CDCA7L: variants seen among roughly 807,000 people sequenced by gnomAD.
The protein encoded by CDCA7L is cell division cycle-associated 7-like protein.
A neutral mutation model predicts 57.4 loss-of-function variants in CDCA7L; 44 were observed. The observed-to-expected ratio is 0.77, with a 90% CI of 0.60 to 0.98. CDCA7L has a LOEUF of 0.98. Among genes scored for constraint, CDCA7L ranks in the 50% least tolerant of loss-of-function variants. The probability of loss-of-function intolerance (pLI) is 0.00; values close to 1 mark genes in which losing one functional copy is unlikely to be tolerated. For synonymous variants in CDCA7L, 236 were observed against 202.8 expected, an observed-to-expected ratio of 1.16 and a Z score of -1.39; for missense variants, 644 against 580.6, an observed-to-expected ratio of 1.11 and a Z score of -1.12.
At chr7:21,932,808 TAATTA>T (rs1786055538) in intron 1 of CDCA7L, among the ~76,000 whole-genome samples, 1 of 152,140 alleles carries the variant, frequency 6.6e-6, no homozygotes, top group South Asian at 2.1e-4. Flanking sequence ...AAATGGGATC[TAATTA>T]AACTAAAGAG....
chr7:21,939,200 G>C (rs1786266331), intron 1 of CDCA7L, among the ~76,000 whole-genome samples: 2 of 152,128 alleles, frequency 1.3e-5, no homozygotes, highest in Admixed American at 6.5e-5. Flanking sequence ...TGGAGGAAGA[G>C]GTCATAGGGG....
chr7:21,921,939 G>A (rs1410964988), intron 1 of CDCA7L, among the ~76,000 whole-genome samples: 1 of 152,020 alleles, frequency 6.6e-6, no homozygotes, highest in Non-Finnish European at 1.5e-5. Flanking sequence ...AGTCATATGG[G>A]GGACCAGGAT....
At position 21,918,661 on chromosome 7, in the gene CDCA7L, C is replaced by T. The variant is rs566923151; in HGVS notation, c.25-1767G>A. Among the ~76,000 whole-genome samples the T allele has an allele frequency of 2.2e-3, 331 of 151,942 alleles. 1 individual carries two copies. Among genetic ancestry groups the T allele is most frequent in the African/African-American group, 7.4e-3 (308 of 41,504 alleles). On this transcript the variant is annotated intron_variant, in intron 1 of 9. Coordinates refer to ENST00000406877, the MANE Select transcript of CDCA7L (RefSeq NM_018719.5). ...GGGTTTACAATTTGGGAGTTGAATCCGGAGGCTTTACTTCTAGTTGGCTTG... is the reference window on the plus strand; with the variant it reads ...GGGTTTACAATTTGGGAGTTGAATCTGGAGGCTTTACTTCTAGTTGGCTTG...
Position 21,900,978 on chromosome 7 carries a change from C to A in CDCA7L, c.*1344G>T, listed in dbSNP as rs1251962235. The stretch of plus-strand genomic sequence containing the variant: ...TTATCATTAGTAGCAAGCTGCCACA[C>A]AATTGCAACCGCTGTGTTTTTGCCA... On this transcript the variant is annotated 3_prime_UTR_variant, in exon 10 of 10. Coordinates refer to ENST00000406877, the MANE Select transcript of CDCA7L (RefSeq NM_018719.5). 3.2e-6 allele frequency: 5 copies of A among 1,541,404 alleles called. No homozygotes were observed. Among genetic ancestry groups the A allele is most frequent in the African/African-American group, 1.4e-5 (1 of 72,402 alleles).
In CDCA7L at chr7:21,911,763, A is replaced by C; in HGVS notation, c.166-9T>G. Reference sequence around the variant, plus strand: ...TGAAAGCGCACATCCTGCTAAATTAAAGACACACATACATCAGAGACGGAA... The same window carrying C: ...TGAAAGCGCACATCCTGCTAAATTACAGACACACATACATCAGAGACGGAA... On this transcript the variant is annotated splice_polypyrimidine_tract_variant and intron_variant, in intron 2 of 9. Transcript: ENST00000406877. 6.2e-7 allele frequency: 1 copy of C among 1,610,838 alleles called. No homozygotes were observed. The highest frequency in any genetic ancestry group is 8.5e-7 in the Non-Finnish European group (1 of 1,179,078).
At position 21,941,704 on chromosome 7, in the gene CDCA7L, CCAG is replaced by C. The variant is rs1276102568; in HGVS notation, c.24+4074_24+4076del. Among the ~76,000 whole-genome samples the C allele has an allele frequency of 2.0e-5, 3 of 152,320 alleles. No homozygotes were observed. The East Asian group carries it at 5.8e-4, about 29-fold the overall frequency. On this transcript the variant is annotated intron_variant, in intron 1 of 9. Transcript: ENST00000406877. ...CCTGACTCACCAAGGCCCGGTGATT[CCAG>C]CAGCAAGGGCCAATTCCTTACAAAT...
At chr7:21,931,405 A>G (rs1439361529) in intron 1 of CDCA7L, among the ~76,000 whole-genome samples, 2 of 152,352 alleles carry the variant, frequency 1.3e-5, no homozygotes, top group East Asian at 1.9e-4. Context: ...CAAATCCAGC[A>G]GCACATCAAA....
chr7:21,927,267 A>C (rs1355215937), intron 1 of CDCA7L, among the ~76,000 whole-genome samples: 1 of 152,234 alleles, frequency 6.6e-6, no homozygotes, highest in East Asian at 1.9e-4. Flanking sequence ...AAAAGCACAA[A>C]GAACTAACGT....
At position 21,906,341 on chromosome 7, in the gene CDCA7L, G is replaced by T. The variant is rs762865786; in HGVS notation, c.869C>A (p.Ala290Asp). Reference protein sequence around the residue: ...KFALENFTVSAAKFAEEFYSF... With the variant: ...KFALENFTVSDAKFAEEFYSF... ...GTAAAACTCTTCCGCAAATTTAGCG[G>T]CTGAGACAGTGAAGTTCTCTAGAGC... is the stretch of plus-strand genomic sequence containing the variant. The change falls in exon 6 of 10, where the codon GCC (alanine) becomes GAC (aspartate). Residue 290 changes from alanine to aspartate, a missense_variant. Transcript: ENST00000406877. The T allele has an allele frequency of 1.2e-6, 2 of 1,612,362 alleles. No homozygotes were observed. The highest frequency in any genetic ancestry group is 2.2e-5 in the South Asian group (2 of 90,938).
intron 5 of CDCA7L, 32 bp downstream of exon 5, chr7:21,906,536 G>A (rs1785146852): frequency 1.2e-6 from 2 of 1,611,358 alleles, no homozygotes; most frequent in South Asian, 1.1e-5. Flanking sequence ...CCATATATCA[G>A]TATTGGTATA....
intron 1 of CDCA7L, chr7:21,940,305 T>C: frequency 1.0e-6 from 1 of 985,128 alleles, no homozygotes; most frequent in East Asian, 1.1e-4. Flanking sequence ...AAACTATGCC[T>C]GCGAAGTGCT....
intron 7 of CDCA7L, 98 bp from the exon 8 acceptor site, chr7:21,904,357 A>AC (rs1297347114): frequency 8.4e-7 from 1 of 1,186,684 alleles, no homozygotes; most frequent in Non-Finnish European, 1.2e-6. Context: ...ATGAAGAAAT[A>AC]CCCCCGTCTC....
chr7:21,922,349 A>C (rs1168418054), intron 1 of CDCA7L, among the ~76,000 whole-genome samples: 2 of 152,212 alleles, frequency 1.3e-5, no homozygotes, highest in Non-Finnish European at 2.9e-5. Context: ...GGTCAGCTGT[A>C]GGACAATATG....
intron 1 of CDCA7L, among the ~76,000 whole-genome samples, chr7:21,931,723 A>G (rs1786023799): frequency 6.6e-6 from 1 of 152,228 alleles, no homozygotes; most frequent in African/African-American, 2.4e-5. Flanking sequence ...AGCGCAAGAC[A>G]AGGATGCTCT....
rs547817073 is a variant in CDCA7L, at chr7:21,916,796, C to T, written c.123G>A (p.Glu41=). The T allele has an allele frequency of 6.2e-7, 1 of 1,614,064 alleles. No homozygotes were observed. Among genetic ancestry groups the T allele is most frequent in the Admixed American group, 1.7e-5 (1 of 60,020 alleles). Residue 41 remains glutamate (E), a synonymous_variant, in exon 2 of 10, where the codon GAG becomes GAA. Transcript: ENST00000406877. ...GTGAGTCAAAACTATCGCAGCTCTC[C>T]TCTGACGAGAGGGTTTCCATGGGAA... ...DDVPMETLSS[E]ESCDSFDSLE... is the part of the protein sequence containing the mutation.
Position 21,906,297 on chromosome 7 carries a change from T to C in CDCA7L, c.913A>G (p.Thr305Ala), listed in dbSNP as rs767849344. 6.3e-7 allele frequency: 1 copy of C among 1,594,440 alleles called. No homozygotes were observed. Among genetic ancestry groups the C allele is most frequent in the Non-Finnish European group, 8.5e-7 (1 of 1,171,544 alleles). The part of the protein sequence containing the change: ...EEFYSFRRRK[T>A]IGGKCREYRR... Reference sequence around the variant, plus strand: ...TATTAGTCAGAAAATACCCCAATTGTCTTCCTTCTTCGGAAGCTGTAAAAC... The same window carrying C: ...TATTAGTCAGAAAATACCCCAATTGCCTTCCTTCTTCGGAAGCTGTAAAAC... Residue 305 changes from threonine (T) to alanine (A), a missense_variant, in exon 6 of 10, where the codon ACA becomes GCA. By Grantham distance (58) the Thr-to-Ala change is moderately conservative. Coordinates refer to ENST00000406877, the MANE Select transcript of CDCA7L (RefSeq NM_018719.5).
At chr7:21,923,880 G>C (rs1562630789) in intron 1 of CDCA7L, among the ~76,000 whole-genome samples, 1 of 152,206 alleles carries the variant, frequency 6.6e-6, no homozygotes. Flanking sequence ...CGTTGAGTAG[G>C]TGCCTTTCAG....
chr7:21,915,870 CAG>C (rs1562627092), intron 2 of CDCA7L, among the ~76,000 whole-genome samples: 2 of 151,960 alleles, frequency 1.3e-5, no homozygotes, highest in Admixed American at 1.3e-4. Flanking sequence ...AAAGGTGTAA[CAG>C]AGAGGAAGAA....
intron 2 of CDCA7L, among the ~76,000 whole-genome samples, chr7:21,913,765 C>G (rs1051010206): frequency 2.6e-5 from 4 of 152,214 alleles, no homozygotes; most frequent in African/African-American, 9.7e-5. Flanking sequence ...GTGTGCTGGC[C>G]TCCCAGGGCA....
Sources: allele counts gnomAD v4.1 joint callset (sites outside exome capture counted in the v4.1 genomes callset), GRCh38; gene constraint gnomAD v4.1.1; transcripts MANE v1.5; gene names NCBI Gene and HGNC (gene_info 2026-07-23, HGNC 2026-07-21).